ZEB2: variants seen among roughly 807,000 people sequenced by gnomAD.
ZEB2 encodes the protein zinc finger E-box binding homeobox 2, also known as zinc finger E-box-binding homeobox 2.
Under a neutral mutation model 99.9 loss-of-function variants are expected in ZEB2, and 6 were observed. That is an observed-to-expected ratio of 0.06 (90% CI 0.03 to 0.12). ZEB2 has a LOEUF of 0.12. Ranked by LOEUF, ZEB2 falls within the 10% of genes least tolerant of loss-of-function variation. The pLI, the probability that ZEB2 is intolerant of heterozygous loss-of-function variation, is 1.00. For missense variants in ZEB2, 969 were observed against 1,502.8 expected, an observed-to-expected ratio of 0.64 and a Z score of 5.87; for synonymous variants, 517 against 542.5, an observed-to-expected ratio of 0.95 and a Z score of 0.65.
chr2:144,517,130 C>T (rs1705165221), intron 2 of ZEB2, 148 bp downstream of exon 2: 2 of 814,538 alleles, frequency 2.5e-6, no homozygotes. Flanking sequence ...GCGCCGGGCT[C>T]CGGCGCCGGC....
chr2:144,401,728 A>AC (rs561947037), intron 6 of ZEB2, among the ~76,000 whole-genome samples: 6 of 152,264 alleles, frequency 3.9e-5, no homozygotes, highest in South Asian at 4.1e-4. Flanking sequence ...AAGAAAAACC[A>AC]CCCCCACACA....
chr2:144,406,846 G>T (rs545531858), intron 4 of ZEB2, among the ~76,000 whole-genome samples: 1 of 152,292 alleles, frequency 6.6e-6, no homozygotes, highest in Admixed American at 6.5e-5. Context: ...CTGGGAATCC[G>T]GTTAGGAGGT....
chr2:144,398,440 C>G lies in ZEB2; in HGVS notation c.2747G>C (p.Ser916Thr), dbSNP rs545434577. ...TGGGTATGGTCGTAGCCCAGGAATA[C>G]TGGTCTGGACTGGTGGCATGAAAGT... ...PATFMPPVQT[S>T]IPGLRPYPGL... Residue 916 changes from serine (S) to threonine (T), a missense_variant, in exon 8 of 10, where the codon AGT becomes ACT. Physicochemically the swap from Ser to Thr is moderately conservative, Grantham distance 58 (BLOSUM62 1). Around this residue, in one of 8 missense-constraint regions of ZEB2, gnomAD observed 346 missense variants for 460.0 expected, o/e 0.75. Coordinates refer to ENST00000627532, the MANE Select transcript of ZEB2 (RefSeq NM_014795.4). 3.1e-6 allele frequency: 5 copies of G among 1,614,048 alleles called. No homozygotes were observed. In the South Asian group the frequency reaches 4.4e-5, roughly 14 times the overall value.
Position 144,400,765 on chromosome 2 carries a change from C to T in ZEB2, c.916+434G>A, listed in dbSNP as rs540915570. Among the ~76,000 whole-genome samples, 3 of 152,304 alleles carry T rather than the reference C, an allele frequency of 2.0e-5. No homozygotes were observed. The South Asian group carries it at 6.2e-4, about 32-fold the overall frequency. On this transcript the variant is annotated intron_variant, in intron 7 of 9. Transcript: ENST00000627532. ...GAAATCTCAGTGGTAGGATTCTGTT[C>T]TGTGATCCACGGCCCTCAGGAATCA...
chr2:144,416,090 C>G (rs1241533542), intron 4 of ZEB2, among the ~76,000 whole-genome samples: 2 of 152,322 alleles, frequency 1.3e-5, no homozygotes, highest in East Asian at 1.9e-4. Flanking sequence ...GAACCAGAAC[C>G]GCGAACTTTC....
intron 4 of ZEB2, among the ~76,000 whole-genome samples, chr2:144,409,823 A>G (rs1191891518): frequency 6.6e-6 from 1 of 151,988 alleles, no homozygotes; most frequent in Non-Finnish European, 1.5e-5. Context: ...TGGGAGGTTG[A>G]GGCTGCAGAG....
At chr2:144,453,057 C>A (rs1283658418) in intron 2 of ZEB2, among the ~76,000 whole-genome samples, 1 of 152,138 alleles carries the variant, frequency 6.6e-6, no homozygotes, top group Non-Finnish European at 1.5e-5. Flanking sequence ...CCTAACTAAT[C>A]CAAAACCATT....
intron 3 of ZEB2, among the ~76,000 whole-genome samples, chr2:144,425,769 T>G (rs1703683835): frequency 6.6e-6 from 1 of 152,162 alleles, no homozygotes; most frequent in Non-Finnish European, 1.5e-5. Context: ...TTAAGTAAAT[T>G]AAACGTGAAG....
chr2:144,404,912 T>C lies in ZEB2; in HGVS notation c.516A>G (p.Thr172=). The C allele has an allele frequency of 6.2e-7, 1 of 1,614,244 alleles. No homozygotes were observed. The highest frequency in any genetic ancestry group is 8.5e-7 in the Non-Finnish European group (1 of 1,180,028). Residue 172 remains threonine (T), a synonymous_variant, in exon 5 of 10, where the codon ACA becomes ACG. Coordinates refer to ENST00000627532, the MANE Select transcript of ZEB2 (RefSeq NM_014795.4). ...CAGGGGCTTCTGGGTAAATAATGGC[T>C]GTGTCACTGCGCTGAAGGTACTCCT... ...SIEEYLQRSD[T]AIIYPEAPEE...
At chr2:144,458,514 A>G (rs992877529) in intron 2 of ZEB2, among the ~76,000 whole-genome samples, 2 of 152,126 alleles carry the variant, frequency 1.3e-5, no homozygotes, top group African/African-American at 4.8e-5. Context: ...TATACTGGAT[A>G]TTATGAAGCT....
intron 2 of ZEB2, among the ~76,000 whole-genome samples, chr2:144,468,402 G>T (rs932713711): frequency 6.6e-6 from 1 of 152,072 alleles, no homozygotes; most frequent in Non-Finnish European, 1.5e-5. Context: ...AGAATAGTGG[G>T]TGATTTAAAT....
chr2:144,421,870 G>A (rs1703622967), intron 4 of ZEB2, among the ~76,000 whole-genome samples: 3 of 151,860 alleles, frequency 2.0e-5, no homozygotes, highest in South Asian at 4.2e-4. Flanking sequence ...CATTTCCAAA[G>A]GACATTCCTA....
intron 4 of ZEB2, among the ~76,000 whole-genome samples, chr2:144,420,221 C>T (rs560471888): frequency 4.2e-4 from 64 of 152,172 alleles, no homozygotes; most frequent in African/African-American, 1.5e-3. Flanking sequence ...TTACTAATAT[C>T]GACATATACA....
At position 144,386,841 on chromosome 2, in the gene ZEB2, T is replaced by C. The variant is rs547448192; in HGVS notation, c.*2610A>G. On this transcript the variant is annotated 3_prime_UTR_variant, in exon 10 of 10. Coordinates refer to ENST00000627532, the MANE Select transcript of ZEB2 (RefSeq NM_014795.4). ...CCATTCAAAGAAGGAGAAACGAGGA[T>C]AGAATTTTCTAAACTTTCCAAATAT... The C allele has an allele frequency of 6.6e-6, 1 of 152,138 alleles. No individual in the cohort carries two copies. The highest frequency in any genetic ancestry group is 2.4e-5 in the African/African-American group (1 of 41,516). 9.4% of individuals were successfully genotyped at this position (152,138 alleles called of 1,614,324 possible). A position where few individuals can be genotyped will look rare whatever the true frequency, so the allele number is the denominator to read the frequency against.
At chr2:144,486,785 T>C (rs1704602468) in intron 2 of ZEB2, among the ~76,000 whole-genome samples, 1 of 152,090 alleles carries the variant, frequency 6.6e-6, no homozygotes, top group Non-Finnish European at 1.5e-5. Flanking sequence ...ACTCAAAACA[T>C]GCAAAACACT....
chr2:144,416,338 A>G (rs143236163), intron 4 of ZEB2, among the ~76,000 whole-genome samples: 2 of 152,294 alleles, frequency 1.3e-5, no homozygotes, highest in Admixed American at 6.5e-5. Context: ...GGAGTATCAA[A>G]CGTATCTTAA....
At chr2:144,421,504 A>T (rs1449690326) in intron 4 of ZEB2, among the ~76,000 whole-genome samples, 1 of 152,204 alleles carries the variant, frequency 6.6e-6, no homozygotes, top group African/African-American at 2.4e-5. Context: ...TAAGCTGAAG[A>T]TCACTAGTAA....
chr2:144,420,348 A>T (rs1292633891), intron 4 of ZEB2, among the ~76,000 whole-genome samples: 1 of 152,000 alleles, frequency 6.6e-6, no homozygotes, highest in African/African-American at 2.4e-5. Context: ...TCCAGCCTCG[A>T]CCTCCTGAGT....
chr2:144,481,937 G>A (rs1299946648), intron 2 of ZEB2, among the ~76,000 whole-genome samples: 2 of 152,054 alleles, frequency 1.3e-5, no homozygotes, highest in African/African-American at 4.8e-5. Context: ...TTTTCCATGT[G>A]AATTTATTAT....
Sources: gnomAD v4.1 joint callset for allele counts (sites outside exome capture counted in the v4.1 genomes callset) on GRCh38, gnomAD v4.1.1 for gene constraint, gnomAD v4.1.1 regional missense constraint, MANE v1.5 for transcripts, NCBI Gene and HGNC (gene_info 2026-07-23, HGNC 2026-07-21) for gene names.